Variants in DHX35 observed in about 807,000 individuals in gnomAD.
DHX35 encodes the protein DEAH-box helicase 35.
A neutral mutation model predicts 99.6 loss-of-function variants in DHX35; 84 were observed. The observed-to-expected ratio is 0.84, with a 90% confidence interval of 0.71 to 1.01. DHX35 has a LOEUF of 1.01. Ranked by LOEUF, DHX35 falls within the 50% of genes least tolerant of loss-of-function variation. The pLI is 0.00. For missense variants in DHX35, 852 were observed against 888.5 expected, an observed-to-expected ratio of 0.96 and a Z score of 0.52; for synonymous variants, 331 against 316.2, an observed-to-expected ratio of 1.05 and a Z score of -0.50.
At chr20:38,978,839 T>C (rs770826449) in intron 3 of DHX35, among the ~76,000 whole-genome samples, 3 of 152,202 alleles carry the variant, frequency 2.0e-5, no homozygotes, top group Non-Finnish European at 4.4e-5. Context: ...TTCATTTAAG[T>C]CTTTTATCCA....
chr20:38,991,350 A>C, intron 5 of DHX35, 104 bp from the exon 6 acceptor site: 1 of 922,038 alleles, frequency 1.1e-6, no homozygotes, highest in Non-Finnish European at 1.6e-6. Context: ...GTGGGAATTT[A>C]CTTGTACACA....
intron 17 of DHX35, 94 bp from the exon 18 acceptor site, chr20:39,025,136 C>A: frequency 7.1e-7 from 1 of 1,411,006 alleles, no homozygotes; most frequent in Non-Finnish European, 9.5e-7. Flanking sequence ...CGTTGAACAG[C>A]ACATGGGGGA....
rs536412212 is a variant in DHX35, at chr20:39,025,344, A to T, written c.1786A>T (p.Arg596Trp). Residue 596 changes from arginine to tryptophan, a missense_variant, in exon 18 of 22, where the codon AGG (arginine) becomes TGG (tryptophan). Transcript: ENST00000252011. ...KKLLVKFQVP[R>W]KSSEGDPDLV... ...GCTTCTTGTCAAGTTTCAAGTGCCC[A>T]GGAAGTCTAGTGAAGGTGAGAAGAA... 9 of 1,613,778 alleles carry T rather than the reference A, an allele frequency of 5.6e-6. No individual in the cohort carries two copies. In the South Asian group the frequency reaches 8.8e-5, roughly 16 times the overall value.
chr20:39,026,161 G>C (rs553731508), intron 18 of DHX35, among the ~76,000 whole-genome samples: 1 of 152,300 alleles, frequency 6.6e-6, no homozygotes, highest in South Asian at 2.1e-4. Context: ...CATTTCCTGA[G>C]TGCTTATAAG....
rs1232811059 is a variant in DHX35 at position 38,972,002 on chromosome 20, TTG to T, written c.175-555_175-554del. 1.4e-3 allele frequency among the ~76,000 whole-genome samples: 195 copies of T among 136,406 alleles called. 3 individuals carry two copies. Among genetic ancestry groups the T allele is most frequent in the African/African-American group, 4.2e-3 (142 of 33,844 alleles). 89.5% of individuals were successfully genotyped at this position (136,406 alleles called of 152,430 possible). A position where few individuals can be genotyped will look rare whatever the true frequency, so the allele number is the denominator to read the frequency against. ...AATTTCTTGTTTTTTTTGTTTTGTT[TTG>T]TTTTTTTTTTTTTTTTTTTTTTGAG... On this transcript the variant is annotated intron_variant, in intron 2 of 21. Transcript: ENST00000252011.
chr20:39,004,743 A>G (rs1376640277), intron 11 of DHX35, among the ~76,000 whole-genome samples: 1 of 152,218 alleles, frequency 6.6e-6, no homozygotes, highest in African/African-American at 2.4e-5. Flanking sequence ...TTTTCCTTTC[A>G]TTAGATGAGG....
intron 18 of DHX35, among the ~76,000 whole-genome samples, chr20:39,027,917 A>G (rs1182056650): frequency 6.6e-6 from 1 of 152,280 alleles, no homozygotes; most frequent in Non-Finnish European, 1.5e-5. Flanking sequence ...TAGCTGTAGC[A>G]ATAGAAACAC....
chr20:39,028,554 C>A, intron 19 of DHX35, 55 bp downstream of exon 19: 2 of 1,551,922 alleles, frequency 1.3e-6, no homozygotes, highest in Non-Finnish European at 1.8e-6. Context: ...ACAAATGACC[C>A]AAACCCCACA....
At chr20:38,986,224 C>A (rs1194836168) in intron 4 of DHX35, among the ~76,000 whole-genome samples, 1 of 149,574 alleles carries the variant, frequency 6.7e-6, no homozygotes, top group Non-Finnish European at 1.5e-5. Context: ...CCTCCCTTTC[C>A]TTTTGGTCTG....
At chr20:38,974,817 C>T (rs1670749482) in intron 3 of DHX35, among the ~76,000 whole-genome samples, 2 of 152,250 alleles carry the variant, frequency 1.3e-5, no homozygotes, top group South Asian at 2.1e-4. Flanking sequence ...CCAGCAGACT[C>T]TTCATGGTTA....
intron 3 of DHX35, chr20:38,978,342 T>A (rs1265307073): frequency 2.7e-6 from 2 of 743,246 alleles, no homozygotes; most frequent in African/African-American, 3.4e-5. Context: ...AGTGATCATC[T>A]TTGATGGCCT....
intron 14 of DHX35, 151 bp downstream of exon 14, chr20:39,015,085 T>C (rs2086762907): frequency 1.1e-6 from 1 of 933,880 alleles, no homozygotes; most frequent in South Asian, 1.6e-5. Flanking sequence ...TTTATTGAAA[T>C]AGGAAGTTGG....
intron 15 of DHX35, among the ~76,000 whole-genome samples, chr20:39,020,224 T>C (rs2086851382): frequency 6.6e-6 from 1 of 152,236 alleles, no homozygotes. Context: ...AATGCAGATA[T>C]CTCCTTGAAA....
At chr20:39,037,652 G>C (rs1032138601) in intron 21 of DHX35, among the ~76,000 whole-genome samples, 1 of 152,206 alleles carries the variant, frequency 6.6e-6, no homozygotes, top group East Asian at 1.9e-4. Context: ...GGCTCCCACT[G>C]TGTGTTAGTT....
chr20:38,992,554 C>T, intron 7 of DHX35, 129 bp downstream of exon 7: 2 of 840,620 alleles, frequency 2.4e-6, no homozygotes, highest in Non-Finnish European at 4.0e-6. Flanking sequence ...ATAATCCTAC[C>T]CATTCAGAGA....
At chr20:39,014,522 C>G (rs923524673) in intron 13 of DHX35, among the ~76,000 whole-genome samples, 1 of 152,066 alleles carries the variant, frequency 6.6e-6, no homozygotes, top group African/African-American at 2.4e-5. Context: ...TCCTGGGGCC[C>G]CGGTGTGGTA....
Position 38,993,685 on chromosome 20 carries a change from C to CTT in DHX35, c.583-1122_583-1121dup, listed in dbSNP as rs375593065. The stretch of plus-strand genomic sequence containing the variant: ...CGGCCACATTGGCTATTTTTCTTTT[C>CTT]TTTTTTTTTTTTTTTCACGTTGGCT... On this transcript the variant is annotated intron_variant, in intron 7 of 21. Transcript: ENST00000252011. 1.1e-3 allele frequency among the ~76,000 whole-genome samples: 162 copies of CTT among 141,332 alleles called. 2 individuals are homozygous for CTT. The highest frequency in any genetic ancestry group is 3.5e-3 in the East Asian group (17 of 4,832). 92.7% of individuals were successfully genotyped at this position (141,332 alleles called of 152,430 possible). A position where few individuals can be genotyped will look rare whatever the true frequency, so the allele number is the denominator to read the frequency against.
intron 7 of DHX35, among the ~76,000 whole-genome samples, chr20:38,994,139 G>A (rs1484228305): frequency 1.3e-5 from 2 of 152,066 alleles, no homozygotes; most frequent in Non-Finnish European, 2.9e-5. Context: ...CAAAGATTTA[G>A]ATTTTTTGAT....
intron 1 of DHX35, among the ~76,000 whole-genome samples, chr20:38,968,662 C>G (rs2085945765): frequency 6.6e-6 from 1 of 152,184 alleles, no homozygotes; most frequent in Non-Finnish European, 1.5e-5. Flanking sequence ...ATTCTCCTGC[C>G]TCAGCCTCCC....
Sources: allele counts gnomAD v4.1 joint callset (sites outside exome capture counted in the v4.1 genomes callset), GRCh38; gene constraint gnomAD v4.1.1; transcripts MANE v1.5; gene names NCBI Gene and HGNC (gene_info 2026-07-23, HGNC 2026-07-21).